Variants in SNX29 observed in about 807,000 individuals in gnomAD.
The protein encoded by SNX29 is sorting nexin-29.
Under a neutral mutation model 102.1 loss-of-function variants are expected in SNX29, and 78 were observed. The observed-to-expected ratio is 0.76, with a 90% CI of 0.64 to 0.92. The LOEUF (loss-of-function observed/expected upper bound fraction) is 0.92. Among genes scored for constraint, SNX29 ranks in the 40% least tolerant of loss-of-function variants. SNX29 has a pLI of 0.00. For missense variants in SNX29, 1,280 were observed against 1,061.7 expected (o/e 1.21, Z -2.86); for synonymous variants, 580 against 414.5 (o/e 1.40, Z -4.85).
chr16:12,277,893 A>G (rs1405418236), intron 14 of SNX29, 40 bp from the exon 15 acceptor site: 1 of 1,528,182 alleles, frequency 6.5e-7, no homozygotes, highest in East Asian at 2.4e-5. Context: ...AATTTTCGAT[A>G]CTGTTGAAAT....
chr16:12,422,976 C>A (rs755813437), intron 18 of SNX29, among the ~76,000 whole-genome samples: 2 of 152,132 alleles, frequency 1.3e-5, no homozygotes, highest in Non-Finnish European at 2.9e-5. Context: ...AGGAACAGCC[C>A]CACCCTGTCT....
At chr16:12,399,195 C>G (rs1009855376) in intron 17 of SNX29, among the ~76,000 whole-genome samples, 2 of 152,278 alleles carry the variant, frequency 1.3e-5, no homozygotes, top group South Asian at 2.1e-4. Flanking sequence ...GGATTACAGG[C>G]ACACACCACC....
At chr16:12,512,569 T>C (rs940525973) in intron 19 of SNX29, among the ~76,000 whole-genome samples, 1 of 151,478 alleles carries the variant, frequency 6.6e-6, no homozygotes, top group Non-Finnish European at 1.5e-5. Context: ...GCTTCTTCAC[T>C]TGACTGGCCC....
intron 13 of SNX29, among the ~76,000 whole-genome samples, chr16:12,196,336 G>A (rs955049066): frequency 6.6e-6 from 1 of 152,182 alleles, no homozygotes; most frequent in Non-Finnish European, 1.5e-5. Context: ...TAGGGTTACT[G>A]TGTAGATAAA....
intron 11 of SNX29, among the ~76,000 whole-genome samples, chr16:12,084,701 A>G (rs572501876): frequency 1.3e-5 from 2 of 152,234 alleles, no homozygotes; most frequent in African/African-American, 2.4e-5. Flanking sequence ...GAGTGACAGG[A>G]TCAACACCCA....
rs112702029 is a variant in SNX29, at chr16:12,527,169, A to C, written c.2318+2328A>C. 315 of 522,350 alleles carry C rather than the reference A, an allele frequency of 6.0e-4. 1 individual carries two copies. Among genetic ancestry groups the C allele is most frequent in the African/African-American group, 5.6e-3 (297 of 53,464 alleles). The allele number at this position is 522,350 out of a possible 1,614,324, so 32.4% of individuals were successfully genotyped here. A position where few individuals can be genotyped will look rare whatever the true frequency, so the allele number is the denominator to read the frequency against. On this transcript the variant is annotated intron_variant, in intron 20 of 20. Transcript: ENST00000566228. ...CCCTTCTCCTTCTTCCTTTTTGAGC[A>C]GGATGGGATTACAGGTCGGAATGTA...
Position 12,361,960 on chromosome 16 carries a change from A to G in SNX29, c.1899+5681A>G, listed in dbSNP as rs117643547. Among the ~76,000 whole-genome samples the G allele has an allele frequency of 4.5e-3, 689 of 152,224 alleles. 6 individuals carry two copies. Among genetic ancestry groups the G allele is most frequent in the African/African-American group, 4.8e-3 (200 of 41,534 alleles). ...GTACACCGCTTTATTGCGCCTATAC[A>G]TGTTAATAACGAGCACATGCCTATA... On this transcript the variant is annotated intron_variant, in intron 16 of 20. Coordinates refer to ENST00000566228, the MANE Select transcript of SNX29 (RefSeq NM_032167.5).
At chr16:12,097,904 A>T (rs1236302876) in intron 11 of SNX29, among the ~76,000 whole-genome samples, 1 of 152,204 alleles carries the variant, frequency 6.6e-6, no homozygotes, top group Non-Finnish European at 1.5e-5. Context: ...GTGTGAGTTT[A>T]TTGGGAAGGA....
At chr16:12,429,525 G>A (rs1335933855) in intron 18 of SNX29, among the ~76,000 whole-genome samples, 1 of 152,190 alleles carries the variant, frequency 6.6e-6, no homozygotes, top group African/African-American at 2.4e-5. Context: ...GGCTTAAGCT[G>A]CCCAAAGCCC....
At chr16:11,978,679 A>C (rs988282598) in intron 1 of SNX29, among the ~76,000 whole-genome samples, 2 of 152,230 alleles carry the variant, frequency 1.3e-5, no homozygotes, top group African/African-American at 2.4e-5. Flanking sequence ...CCACAAGCTC[A>C]CAGTTCTGGA....
chr16:12,416,607 T>C (rs1222727712), intron 18 of SNX29, among the ~76,000 whole-genome samples: 1 of 152,158 alleles, frequency 6.6e-6, no homozygotes. Context: ...TTTCTTTGGC[T>C]CCCAGTTCTG....
At position 12,021,380 on chromosome 16, in the gene SNX29, C is replaced by T. The variant is rs533398964; in HGVS notation, c.123-5940C>T. Among the ~76,000 whole-genome samples the T allele has an allele frequency of 1.1e-4, 17 of 151,940 alleles. No individual in the cohort carries two copies. The East Asian group carries it at 1.7e-3, about 16-fold the overall frequency. On this transcript the variant is annotated intron_variant, in intron 3 of 20. Coordinates refer to ENST00000566228, the MANE Select transcript of SNX29 (RefSeq NM_032167.5). The stretch of plus-strand genomic sequence containing the variant: ...GACAGAGGTTGCAGTGAGCGGAGAT[C>T]GCGCCACTGCACTCCATTTTGGGCA...
intron 20 of SNX29, among the ~76,000 whole-genome samples, chr16:12,538,870 G>A (rs539449744): frequency 2.6e-5 from 4 of 151,612 alleles, no homozygotes; most frequent in African/African-American, 7.3e-5. Context: ...ACGGTAGATG[G>A]GGCCATTTGT....
chr16:12,555,529 T>A (rs191342070), intron 20 of SNX29, among the ~76,000 whole-genome samples: 37 of 151,472 alleles, frequency 2.4e-4, no homozygotes, highest in African/African-American at 9.0e-4. Context: ...GCGCCCCTGC[T>A]CTCTGGGAGG....
intron 13 of SNX29, among the ~76,000 whole-genome samples, chr16:12,189,438 G>A (rs1023303177): frequency 6.6e-6 from 1 of 152,140 alleles, no homozygotes; most frequent in Non-Finnish European, 1.5e-5. Context: ...CCGTGCCTTT[G>A]GTTTGCTTGA....
chr16:12,102,092 G>A (rs188048108), intron 11 of SNX29, among the ~76,000 whole-genome samples: 121 of 152,266 alleles, frequency 7.9e-4, no homozygotes, highest in African/African-American at 2.8e-3. Context: ...CAAAGAACAC[G>A]AACTCATCCT....
chr16:12,141,507 C>G (rs1032557336), intron 13 of SNX29, among the ~76,000 whole-genome samples: 8 of 152,200 alleles, frequency 5.3e-5, no homozygotes, highest in African/African-American at 1.9e-4. Flanking sequence ...GACAGAGCAG[C>G]GGCATGGACC....
At chr16:12,110,856 C>T (rs1404276193) in intron 11 of SNX29, among the ~76,000 whole-genome samples, 2 of 151,418 alleles carry the variant, frequency 1.3e-5, no homozygotes, top group Admixed American at 1.3e-4. Context: ...AAGGGTCTTG[C>T]TCTGTTGCCC....
intron 14 of SNX29, among the ~76,000 whole-genome samples, chr16:12,263,916 AGGTAGAC>A (rs2078851598): frequency 1.3e-5 from 2 of 152,184 alleles, no homozygotes; most frequent in Admixed American, 1.3e-4. Context: ...CTTCTAATCT[AGGTAGAC>A]GGTCAAGGTC....
Sources: allele counts gnomAD v4.1 joint callset (sites outside exome capture counted in the v4.1 genomes callset), GRCh38; gene constraint gnomAD v4.1.1; transcripts MANE v1.5; gene names NCBI Gene and HGNC (gene_info 2026-07-23, HGNC 2026-07-21).